The following GMEB1 variants were observed in gnomAD, a reference collection of about 807,000 sequenced individuals.
GMEB1 encodes glucocorticoid modulatory element-binding protein 1.
GMEB1 carries 6 observed loss-of-function variants against 52.4 expected under a neutral mutation model. That is an observed-to-expected ratio of 0.11 (90% CI 0.06 to 0.23). GMEB1 has a LOEUF of 0.23. Among genes scored for constraint, GMEB1 ranks in the 10% least tolerant of loss-of-function variants. The pLI is 1.00. For missense variants in GMEB1, 486 were observed against 685.6 expected (o/e 0.71, Z 3.25); for synonymous variants, 255 against 244.9 (o/e 1.04, Z -0.38).
intron 6 of GMEB1, among the ~76,000 whole-genome samples, chr1:28,701,503 C>T (rs1158636759): frequency 6.6e-6 from 1 of 151,986 alleles, no homozygotes; most frequent in African/African-American, 2.4e-5. Flanking sequence ...CTCCTGATCT[C>T]GTGATCCGCC....
chr1:28,714,046 C>G (rs1285155624), intron 9 of GMEB1, 27 bp from the exon 10 acceptor site: 14 of 1,555,178 alleles, frequency 9.0e-6, no homozygotes, highest in Non-Finnish European at 1.2e-5. Flanking sequence ...CTTCCCTCTA[C>G]ACAAAGTCTT....
At position 28,718,634 on chromosome 1, in the gene GMEB1, G is replaced by T. The variant is rs1671329332; in HGVS notation, c.*3861G>T. ...CAAAACTACACATTTCATTATAATT[G>T]TTTTTTTTTGTAATTTTATGTATTT... On this transcript the variant is annotated 3_prime_UTR_variant, in exon 10 of 10. Coordinates refer to ENST00000373816, the MANE Select transcript of GMEB1 (RefSeq NM_001319674.2). 1 of 150,944 alleles carries T rather than the reference G, an allele frequency of 6.6e-6. No individual in the cohort carries two copies. The highest frequency in any genetic ancestry group is 1.5e-5 in the Non-Finnish European group (1 of 67,722). The allele number at this position is 150,944 out of a possible 1,614,324, so 9.4% of individuals were successfully genotyped here.
chr1:28,695,119 C>T (rs1306853861), intron 5 of GMEB1, among the ~76,000 whole-genome samples: 1 of 151,484 alleles, frequency 6.6e-6, no homozygotes, highest in African/African-American at 2.4e-5. Context: ...TGCGCGCCAC[C>T]ACACCCACTT....
Position 28,687,378 on chromosome 1 carries a change from ACAC to A in GMEB1, c.129-2725_129-2723del, listed in dbSNP as rs1296373232. On this transcript the variant is annotated intron_variant, in intron 2 of 9. Coordinates refer to ENST00000373816, the MANE Select transcript of GMEB1 (RefSeq NM_001319674.2). Reference sequence around the variant, plus strand: ...CACACACACACACACACACACACACACACACACACAAAAAAAGACAGTGGAGAA... The same window carrying A: ...CACACACACACACACACACACACACAACACACAAAAAAAGACAGTGGAGAA... Among the ~76,000 whole-genome samples, 67 of 126,810 alleles carry A rather than the reference ACAC, an allele frequency of 5.3e-4. 8 individuals carry two copies. Among genetic ancestry groups the A allele is most frequent in the Non-Finnish European group, 7.0e-4 (41 of 58,782 alleles). The allele number at this position is 126,810 out of a possible 152,430, so 83.2% of individuals were successfully genotyped here.
Position 28,710,631 on chromosome 1 carries a change from A to G in GMEB1, c.980A>G (p.Tyr327Cys), listed in dbSNP as rs147476962. 1.2e-5 allele frequency: 19 copies of G among 1,595,856 alleles called. No homozygotes were observed. The African/African-American group carries it at 2.0e-4, about 17-fold the overall frequency. Residue 327 changes from tyrosine (Y) to cysteine (C), a missense_variant, in exon 9 of 10, where the codon TAT becomes TGT. Transcript: ENST00000373816. Reference protein sequence around the residue: ...QVEQGEEQFLYTLTDLERQLE... With the variant: ...QVEQGEEQFLCTLTDLERQLE... ...GAGCAGGGAGAAGAACAGTTTCTCT[A>G]TACTCTGACAGGTATGTATAAGTTA... is the stretch of plus-strand genomic sequence containing the variant.
chr1:28,709,870 C>T (rs186912347), intron 8 of GMEB1, among the ~76,000 whole-genome samples: 8 of 151,962 alleles, frequency 5.3e-5, no homozygotes, highest in Non-Finnish European at 7.4e-5. Flanking sequence ...TCAAATTGGC[C>T]GGGCGCGGTG....
At chr1:28,708,497 T>A (rs1670888412) in intron 8 of GMEB1, among the ~76,000 whole-genome samples, 1 of 151,200 alleles carries the variant, frequency 6.6e-6, no homozygotes. Context: ...GTTTCGCTGT[T>A]GTTTCCCAGG....
chr1:28,679,383 G>A (rs146266652), intron 1 of GMEB1, among the ~76,000 whole-genome samples: 157 of 152,094 alleles, frequency 1.0e-3, no homozygotes, highest in African/African-American at 3.6e-3. Context: ...TCACCCTGCT[G>A]GCCAAGGTGG....
chr1:28,680,174 A>C (rs1038097143), intron 1 of GMEB1, among the ~76,000 whole-genome samples: 1 of 152,030 alleles, frequency 6.6e-6, no homozygotes, highest in Non-Finnish European at 1.5e-5. Flanking sequence ...TGAAGCCAGG[A>C]GTTCAAGACC....
chr1:28,686,392 A>C (rs1020040347), intron 2 of GMEB1, among the ~76,000 whole-genome samples: 2 of 152,008 alleles, frequency 1.3e-5, no homozygotes, highest in African/African-American at 4.8e-5. Flanking sequence ...TAATCCCTAC[A>C]CTTTGGGAGG....
chr1:28,712,605 G>A (rs548915939), intron 9 of GMEB1, among the ~76,000 whole-genome samples: 11 of 152,110 alleles, frequency 7.2e-5, no homozygotes, highest in Admixed American at 3.3e-4. Flanking sequence ...CGGATCATGA[G>A]GTCAAGAGAT....
intron 3 of GMEB1, 131 bp from the exon 4 acceptor site, chr1:28,691,454 A>C (rs1170599819): frequency 2.0e-6 from 1 of 489,762 alleles, no homozygotes; most frequent in African/African-American, 2.0e-5. Flanking sequence ...AACTTCTTCC[A>C]GAGGATTCCT....
intron 1 of GMEB1, among the ~76,000 whole-genome samples, chr1:28,672,085 C>T (rs1668910531): frequency 6.7e-6 from 1 of 150,178 alleles, no homozygotes; most frequent in Non-Finnish European, 1.5e-5. Context: ...GCACTCCAGC[C>T]TGGGCAACAA....
At chr1:28,672,007 CCTTGGGAGGCAGGAGAATTGCTTGAA>C (rs1668906024) in intron 1 of GMEB1, among the ~76,000 whole-genome samples, 1 of 149,758 alleles carries the variant, frequency 6.7e-6, no homozygotes, top group African/African-American at 2.4e-5. Flanking sequence ...AATCCCAGCT[CCTTGGGAGGCAGGAGAATTGCTTGAA>C]CTTGGGAGGC....
chr1:28,695,938 CAAAAAAAAAAAAAAAAAAAAA>C (rs58978972), intron 5 of GMEB1, among the ~76,000 whole-genome samples: 3 of 41,052 alleles, frequency 7.3e-5, no homozygotes, highest in South Asian at 1.2e-3. Flanking sequence ...GACTCCGTCT[CAAAAAAAAAAAAAAAAAAAAA>C]AAAAAAAAAA....
At chr1:28,671,822 A>C (rs929163677) in intron 1 of GMEB1, among the ~76,000 whole-genome samples, 36 of 152,070 alleles carry the variant, frequency 2.4e-4, no homozygotes, top group Middle Eastern at 6.8e-3. Context: ...GTGTGGAATA[A>C]ATAAATATTT....
chr1:28,710,489 A>C, intron 8 of GMEB1, 31 bp from the exon 9 acceptor site: 1 of 1,552,326 alleles, frequency 6.4e-7, no homozygotes, highest in Non-Finnish European at 8.7e-7. Context: ...ATCTGTTTTA[A>C]CTGGACAGGC....
intron 1 of GMEB1, among the ~76,000 whole-genome samples, chr1:28,681,783 A>C (rs944276214): frequency 6.6e-6 from 1 of 151,884 alleles, no homozygotes. Context: ...GCTCACCGCA[A>C]TCTCCACCTC....
At chr1:28,688,774 A>G (rs1174311276) in intron 2 of GMEB1, among the ~76,000 whole-genome samples, 1 of 151,550 alleles carries the variant, frequency 6.6e-6, no homozygotes, top group East Asian at 1.9e-4. Context: ...CTTTTTAGTC[A>G]GCGTGGTTCT....
Sources: allele counts gnomAD v4.1 joint callset (sites outside exome capture counted in the v4.1 genomes callset), GRCh38; gene constraint gnomAD v4.1.1; transcripts MANE v1.5; gene names NCBI Gene and HGNC (gene_info 2026-07-23, HGNC 2026-07-21).